ARID1B: variants seen among roughly 807,000 people sequenced by gnomAD.
ARID1B encodes the protein AT-rich interaction domain 1B.
ARID1B carries 30 observed loss-of-function variants against 212.3 expected under a neutral mutation model. The observed-to-expected ratio is 0.14, with a 90% CI of 0.11 to 0.19. The LOEUF (loss-of-function observed/expected upper bound fraction) is 0.19. ARID1B is among the 10% of genes least tolerant of loss of function. The pLI is 1.00. For missense variants in ARID1B, 2,891 were observed against 3,204.0 expected, an observed-to-expected ratio of 0.90 and a Z score of 2.36; for synonymous variants, 1,402 against 1,301.7, an observed-to-expected ratio of 1.08 and a Z score of -1.66.
chr6:157,130,750 G>A (rs935550492), intron 6 of ARID1B, among the ~76,000 whole-genome samples: 13 of 151,988 alleles, frequency 8.6e-5, no homozygotes, highest in African/African-American at 3.1e-4. Context: ...CTTAGATCTG[G>A]GATTATCTTA....
chr6:157,121,287 C>CTTAAGT (rs1562634800), intron 6 of ARID1B, among the ~76,000 whole-genome samples: 3 of 152,134 alleles, frequency 2.0e-5, no homozygotes, highest in African/African-American at 7.2e-5. Flanking sequence ...GACAACATTG[C>CTTAAGT]CCTGTTTAAG....
chr6:157,041,978 C>A (rs1231022268), intron 4 of ARID1B, among the ~76,000 whole-genome samples: 2 of 152,202 alleles, frequency 1.3e-5, no homozygotes, highest in Non-Finnish European at 2.9e-5. Flanking sequence ...GGCACACTCT[C>A]TTCCTGTGGC....
At position 156,831,593 on chromosome 6, in the gene ARID1B, T is replaced by C. The variant is rs553365224; in HGVS notation, c.1986+2172T>C. On this transcript the variant is annotated intron_variant, in intron 2 of 19. Coordinates refer to ENST00000636930, the MANE Select transcript of ARID1B (RefSeq NM_001374828.1). ...AGGAAATGTTTTTAATTATTTTCTT[T>C]TCTAAATGTGTAAAGCTAAAAGTAG... Among the ~76,000 whole-genome samples, 11 of 152,370 alleles carry C rather than the reference T, an allele frequency of 7.2e-5. No homozygotes were observed. The South Asian group carries it at 2.3e-3, about 32-fold the overall frequency.
intron 1 of ARID1B, among the ~76,000 whole-genome samples, chr6:156,805,646 AAAAAATAGG>A (rs1562398504): frequency 6.6e-6 from 1 of 152,174 alleles, no homozygotes; most frequent in East Asian, 1.9e-4. Context: ...TACACGGAAG[AAAAAATAGG>A]AAAAAGAATT....
Position 156,813,104 on chromosome 6 carries a change from A to ATC in ARID1B, c.1792-16122_1792-16121insCT, listed in dbSNP as rs1317370197. Reference sequence around the variant, plus strand: ...TACGTATGTATATACATACATATATATATATTTTTTTTTTTTTTGAGACGG... The same window carrying ATC: ...TACGTATGTATATACATACATATATATCTATATTTTTTTTTTTTTTGAGACGG... On this transcript the variant is annotated intron_variant, in intron 1 of 19. Coordinates refer to ENST00000636930, the MANE Select transcript of ARID1B (RefSeq NM_001374828.1). 1.5e-4 allele frequency among the ~76,000 whole-genome samples: 19 copies of ATC among 124,790 alleles called. No homozygotes were observed. In the Admixed American group the frequency reaches 1.8e-3, roughly 12 times the overall value. The allele number at this position is 124,790 out of a possible 152,430, so 81.9% of individuals were successfully genotyped here. A position where few individuals can be genotyped will look rare whatever the true frequency, so the allele number is the denominator to read the frequency against.
chr6:156,923,982 A>G (rs1301271917), intron 3 of ARID1B, among the ~76,000 whole-genome samples: 3 of 152,214 alleles, frequency 2.0e-5, no homozygotes, highest in African/African-American at 7.2e-5. Context: ...GGCATAATCT[A>G]TGGTGCCCAG....
intron 4 of ARID1B, among the ~76,000 whole-genome samples, chr6:157,014,431 C>T (rs1779788597): frequency 6.6e-6 from 1 of 152,130 alleles, no homozygotes; most frequent in African/African-American, 2.4e-5. Flanking sequence ...CTGATTGCTA[C>T]AGTTAGGAAA....
chr6:157,151,199 T>G (rs1790173672), intron 8 of ARID1B: 1 of 152,216 alleles, frequency 6.6e-6, no homozygotes, highest in South Asian at 2.1e-4. Flanking sequence ...CTGGCGTCAT[T>G]TCCCCCATTG....
intron 4 of ARID1B, among the ~76,000 whole-genome samples, chr6:157,013,871 A>G (rs566427252): frequency 6.6e-6 from 1 of 152,358 alleles, no homozygotes; most frequent in African/African-American, 2.4e-5. Flanking sequence ...AACACAGGCT[A>G]GCACTGTGGG....
intron 4 of ARID1B, among the ~76,000 whole-genome samples, chr6:157,053,624 T>A (rs563717368): frequency 6.6e-6 from 1 of 152,370 alleles, no homozygotes; most frequent in Admixed American, 6.5e-5. Flanking sequence ...AATGTAGAAA[T>A]GATTCCCTCT....
At chr6:156,880,043 A>G (rs1181825540) in intron 2 of ARID1B, among the ~76,000 whole-genome samples, 2 of 152,250 alleles carry the variant, frequency 1.3e-5, no homozygotes, top group African/African-American at 4.8e-5. Context: ...CTGGGAGCCC[A>G]GATGCCCCCT....
chr6:157,201,086 G>A lies in ARID1B; in HGVS notation c.4861G>A (p.Asp1621Asn), dbSNP rs1320072402. The A allele has an allele frequency of 5.6e-6, 9 of 1,614,070 alleles. No homozygotes were observed. The highest frequency in any genetic ancestry group is 1.7e-5 in the Admixed American group (1 of 60,006). Reference sequence around the variant, plus strand: ...TTACCCAGGCATGAACCGCACAGACGATATGATGGTACCCGATCAGAGGAT... The same window carrying A: ...TTACCCAGGCATGAACCGCACAGACAATATGATGGTACCCGATCAGAGGAT... ...PPYPGMNRTD[D>N]MMVPDQRINH... The change falls in exon 18 of 20, where the codon GAT (aspartate) becomes AAT (asparagine). Residue 1621 changes from aspartate to asparagine, a missense_variant. Physicochemically the swap from Asp to Asn is conservative, Grantham distance 23. Transcript: ENST00000636930. The surrounding 1 kb of genome is among the most constrained non-coding windows in gnomAD (Gnocchi z 5.2).
chr6:157,039,478 C>G (rs1216770828), intron 4 of ARID1B, among the ~76,000 whole-genome samples: 1 of 151,302 alleles, frequency 6.6e-6, no homozygotes, highest in African/African-American at 2.4e-5. Context: ...CTACAGGCGC[C>G]CGCCACCGCG....
intron 4 of ARID1B, among the ~76,000 whole-genome samples, chr6:156,947,276 T>C (rs1378577330): frequency 6.6e-6 from 1 of 152,260 alleles, no homozygotes; most frequent in Non-Finnish European, 1.5e-5. Context: ...TGATATATAC[T>C]TTTGAATGAT....
chr6:156,987,159 CAGAGAGAGAGAG>C (rs56189333), intron 4 of ARID1B, among the ~76,000 whole-genome samples: 264 of 141,564 alleles, frequency 1.9e-3, no homozygotes, highest in African/African-American at 3.2e-3. Flanking sequence ...GCCTCGGTGA[CAGAGAGAGAGAG>C]AGAGAGAGAG....
Position 157,148,588 on chromosome 6 carries a change from A to C in ARID1B, c.2762-36A>C. On this transcript the variant is annotated intron_variant, in intron 7 of 19. Transcript: ENST00000636930. The surrounding 1 kb of genome is among the most constrained non-coding windows in gnomAD (Gnocchi z 5.6). ...CCAGTGAATGTTGTCACAAGTTTAA[A>C]TAAAAGGCTTTACTTTGTGTTTGCT... is the stretch of plus-strand genomic sequence containing the variant. 6.4e-7 allele frequency: 1 copy of C among 1,562,424 alleles called. No individual in the cohort carries two copies. Among genetic ancestry groups the C allele is most frequent in the South Asian group, 1.2e-5 (1 of 86,380 alleles).
intron 3 of ARID1B, among the ~76,000 whole-genome samples, chr6:156,918,775 G>A (rs940966522): frequency 3.9e-5 from 6 of 152,150 alleles, no homozygotes; most frequent in African/African-American, 1.4e-4. Flanking sequence ...GGAGCACAGA[G>A]GTGGGGTTAG....
intron 6 of ARID1B, among the ~76,000 whole-genome samples, chr6:157,129,303 C>G (rs1215476347): frequency 6.6e-6 from 1 of 152,132 alleles, no homozygotes; most frequent in Non-Finnish European, 1.5e-5. Context: ...TATCTGTCTC[C>G]CCTACTAGAT....
intron 8 of ARID1B, among the ~76,000 whole-genome samples, chr6:157,156,909 GCA>G (rs893946865): frequency 2.6e-5 from 4 of 152,238 alleles, no homozygotes; most frequent in African/African-American, 9.6e-5. Context: ...CGCACTGGGA[GCA>G]CTCTGGCATC....
Sources: allele counts gnomAD v4.1 joint callset (sites outside exome capture counted in the v4.1 genomes callset), GRCh38; gene constraint gnomAD v4.1.1; non-coding constraint Gnocchi (gnomAD v3.1); transcripts MANE v1.5; gene names NCBI Gene and HGNC (gene_info 2026-07-23, HGNC 2026-07-21).